Variants in CCDC170 observed in about 807,000 individuals in gnomAD.
CCDC170 encodes the protein coiled-coil domain containing 170.
Under a neutral mutation model 72.6 loss-of-function variants are expected in CCDC170, and 69 were observed. The ratio of observed to expected loss-of-function variants is 0.95; its 90% CI spans 0.78 to 1.16. The LOEUF (loss-of-function observed/expected upper bound fraction) is 1.16. Among genes scored for constraint, CCDC170 ranks in the 50% most tolerant of loss-of-function variants. The pLI is 0.00. For missense variants in CCDC170, 852 were observed against 832.5 expected (o/e 1.02, Z -0.29); for synonymous variants, 300 against 303.9 (o/e 0.99, Z 0.13).
chr6:151,519,022 G>A (rs1203734045), intron 1 of CCDC170, among the ~76,000 whole-genome samples: 1 of 152,194 alleles, frequency 6.6e-6, no homozygotes, highest in Non-Finnish European at 1.5e-5. Flanking sequence ...AGCTGTGCAT[G>A]TATTGTCTTA....
chr6:151,620,999 A>G lies in CCDC170; in HGVS notation c.*2852A>G, dbSNP rs1170301816. On this transcript the variant is annotated 3_prime_UTR_variant, in exon 11 of 11. Transcript: ENST00000239374. ...ATCTTTAACATACACAGAATGATCT[A>G]CAGTGATCTTTAACATACTCAGAAA... 1 of 152,204 alleles carries G rather than the reference A, an allele frequency of 6.6e-6. No individual in the cohort carries two copies. Among genetic ancestry groups the G allele is most frequent in the African/African-American group, 2.4e-5 (1 of 41,450 alleles). 9.4% of individuals were successfully genotyped at this position (152,204 alleles called of 1,614,324 possible).
chr6:151,510,990 C>G (rs1483102082), intron 1 of CCDC170, among the ~76,000 whole-genome samples: 1 of 152,136 alleles, frequency 6.6e-6, no homozygotes, highest in Admixed American at 6.5e-5. Flanking sequence ...CCTGCTTCGG[C>G]CTCCCAAAGT....
At chr6:151,549,151 C>T (rs6908675) in intron 5 of CCDC170, among the ~76,000 whole-genome samples, 3,728 of 152,114 alleles carry the variant, frequency 0.025, 142 homozygotes, top group African/African-American at 0.081. Context: ...GTGATCTGCC[C>T]GCCTCAGCCT....
chr6:151,553,783 A>G (rs1338234277), intron 5 of CCDC170, among the ~76,000 whole-genome samples: 1 of 152,182 alleles, frequency 6.6e-6, no homozygotes, highest in Non-Finnish European at 1.5e-5. Context: ...TTAATAAAGT[A>G]CTTTATTCAT....
At chr6:151,526,069 G>GTCCTTCCT (rs567081511) in intron 1 of CCDC170, among the ~76,000 whole-genome samples, 2 of 144,140 alleles carry the variant, frequency 1.4e-5, no homozygotes, top group African/African-American at 2.9e-5. Flanking sequence ...TCTGGTACCA[G>GTCCTTCCT]TCCTTCCTTC....
At chr6:151,612,953 TTGTTTG>T (rs1272773926) in intron 9 of CCDC170, among the ~76,000 whole-genome samples, 3 of 32,856 alleles carry the variant, frequency 9.1e-5, no homozygotes, top group African/African-American at 3.6e-4. Flanking sequence ...GTACTGGTCT[TTGTTTG>T]CTTTGTTTGC....
chr6:151,577,256 C>T (rs923978693), intron 6 of CCDC170, among the ~76,000 whole-genome samples: 5 of 152,104 alleles, frequency 3.3e-5, no homozygotes, highest in African/African-American at 1.2e-4. Flanking sequence ...ACTCCCCTTC[C>T]CAGTTTGTGA....
chr6:151,562,148 A>G (rs1188076404), intron 5 of CCDC170, among the ~76,000 whole-genome samples: 1 of 151,970 alleles, frequency 6.6e-6, no homozygotes, highest in Non-Finnish European at 1.5e-5. Context: ...TATGTAATGG[A>G]TTTCAAATTT....
intron 1 of CCDC170, among the ~76,000 whole-genome samples, chr6:151,495,570 C>T (rs1156430623): frequency 6.6e-6 from 1 of 152,034 alleles, no homozygotes; most frequent in Non-Finnish European, 1.5e-5. Context: ...GATCTCGGCT[C>T]GCCGCCGCCT....
At chr6:151,533,314 A>C (rs1782522129) in intron 1 of CCDC170, among the ~76,000 whole-genome samples, 1 of 150,912 alleles carries the variant, frequency 6.6e-6, no homozygotes, top group Non-Finnish European at 1.5e-5. Context: ...TTGGCCTCCC[A>C]AAGTGCTGGG....
chr6:151,605,655 T>TA (rs930303682), intron 9 of CCDC170, among the ~76,000 whole-genome samples: 1 of 152,124 alleles, frequency 6.6e-6, no homozygotes, highest in Non-Finnish European at 1.5e-5. Flanking sequence ...ACCATGAGTC[T>TA]GGGGAGGTTT....
intron 1 of CCDC170, among the ~76,000 whole-genome samples, chr6:151,529,364 C>T (rs1433092980): frequency 6.6e-6 from 1 of 152,064 alleles, no homozygotes; most frequent in Non-Finnish European, 1.5e-5. Flanking sequence ...GCTGCTATTA[C>T]TAATAATTGT....
intron 9 of CCDC170, among the ~76,000 whole-genome samples, chr6:151,602,106 G>A (rs934077442): frequency 2.6e-5 from 4 of 152,118 alleles, no homozygotes; most frequent in African/African-American, 9.7e-5. Context: ...AGACCTTGAT[G>A]CCTAGGTTAT....
intron 9 of CCDC170, among the ~76,000 whole-genome samples, chr6:151,608,897 G>A (rs546027721): frequency 2.0e-5 from 3 of 152,220 alleles, no homozygotes; most frequent in Non-Finnish European, 4.4e-5. Flanking sequence ...TACTGCGCTT[G>A]TGTCCTGTAA....
intron 6 of CCDC170, among the ~76,000 whole-genome samples, chr6:151,578,883 C>T (rs1776342473): frequency 6.6e-6 from 1 of 151,882 alleles, no homozygotes; most frequent in Non-Finnish European, 1.5e-5. Flanking sequence ...AACTTTTTGG[C>T]TTCTATTTGG....
At chr6:151,584,523 A>G (rs1018326100) in intron 6 of CCDC170, among the ~76,000 whole-genome samples, 1 of 152,244 alleles carries the variant, frequency 6.6e-6, no homozygotes, top group Non-Finnish European at 1.5e-5. Flanking sequence ...TTTCAACTAT[A>G]TTTTAACAAT....
At chr6:151,590,141 G>A (rs1776512927) in intron 7 of CCDC170, among the ~76,000 whole-genome samples, 1 of 151,844 alleles carries the variant, frequency 6.6e-6, no homozygotes, top group African/African-American at 2.4e-5. Flanking sequence ...CTTTCCTTTT[G>A]CTCTCCAAGC....
At chr6:151,584,805 G>T (rs1275111302) in intron 6 of CCDC170, among the ~76,000 whole-genome samples, 2 of 152,122 alleles carry the variant, frequency 1.3e-5, no homozygotes, top group Non-Finnish European at 2.9e-5. Flanking sequence ...CTTTCAAAAA[G>T]TTTAAAGGCA....
intron 8 of CCDC170, among the ~76,000 whole-genome samples, chr6:151,593,926 T>A (rs867828791): frequency 5.9e-5 from 9 of 152,250 alleles, no homozygotes; most frequent in African/African-American, 2.2e-4. Context: ...TAGAAAAAAA[T>A]TCACAGTTTC....
Sources: allele counts gnomAD v4.1 joint callset (sites outside exome capture counted in the v4.1 genomes callset), GRCh38; gene constraint gnomAD v4.1.1; transcripts MANE v1.5; gene names NCBI Gene and HGNC (gene_info 2026-07-23, HGNC 2026-07-21).